GNAI2: variants seen among roughly 807,000 people sequenced by gnomAD.
The protein encoded by GNAI2 is guanine nucleotide-binding protein G(i) subunit alpha-2.
A neutral mutation model predicts 36.8 loss-of-function variants in GNAI2; 4 were observed. The observed-to-expected ratio is 0.11, with a 90% CI of 0.05 to 0.25. The LOEUF is 0.25. GNAI2 is among the 10% of genes least tolerant of loss of function. The pLI is 1.00. For synonymous variants in GNAI2, 194 were observed against 194.1 expected (o/e 1.00, Z 0.01); for missense variants, 230 against 481.3 (o/e 0.48, Z 4.89).
rs1359696278 is a variant in GNAI2, at chr3:50,242,161, A to G, written c.118+5708A>G. 1.3e-5 allele frequency among the ~76,000 whole-genome samples: 2 copies of G among 152,150 alleles called. No homozygotes were observed. Among genetic ancestry groups the G allele is most frequent in the Middle Eastern group, 3.4e-3 (1 of 294 alleles). ...GAACAGGATGGAGGAAGCTTTGTCC[A>G]CCCAAGCTCTTAGCCACTGAGGAAC... is the stretch of plus-strand genomic sequence containing the variant. On this transcript the variant is annotated intron_variant, in intron 1 of 8. Coordinates refer to ENST00000313601, the MANE Select transcript of GNAI2 (RefSeq NM_002070.4). The surrounding 1 kb of genome is among the most constrained non-coding windows in gnomAD (Gnocchi z 4.8).
chr3:50,252,789 G>A lies in GNAI2; in HGVS notation c.304-235G>A, dbSNP rs587634731. ...TGAAGCAGGAGAATTGCTTGAACCC[G>A]GGAGGCAGAGGATGCAGTGAGCCAA... On this transcript the variant is annotated intron_variant, in intron 3 of 8. Coordinates refer to ENST00000313601, the MANE Select transcript of GNAI2 (RefSeq NM_002070.4). The surrounding 1 kb of genome is among the most constrained non-coding windows in gnomAD (Gnocchi z 4.1). 2.0e-5 allele frequency among the ~76,000 whole-genome samples: 3 copies of A among 152,250 alleles called. No individual in the cohort carries two copies. Among genetic ancestry groups the A allele is most frequent in the South Asian group, 4.1e-4 (2 of 4,824 alleles).
chr3:50,233,292 C>T (rs2109174332), upstream of GNAI2, among the ~76,000 whole-genome samples: 1 of 152,284 alleles, frequency 6.6e-6, no homozygotes, highest in Non-Finnish European at 1.5e-5. Context: ...CCAGTAGCCC[C>T]ATCTTGCCCT....
intron 1 of GNAI2, among the ~76,000 whole-genome samples, chr3:50,231,177 T>C (rs1269760954): frequency 6.6e-6 from 1 of 152,216 alleles, no homozygotes; most frequent in African/African-American, 2.4e-5. Flanking sequence ...CTTCCTGACC[T>C]TCCCAGGCAC....
chr3:50,244,862 AT>A (rs1487713857), intron 1 of GNAI2, among the ~76,000 whole-genome samples: 1 of 152,218 alleles, frequency 6.6e-6, no homozygotes, highest in Non-Finnish European at 1.5e-5. Context: ...CCATGAAGCC[AT>A]GCACAGAGCA....
intron 1 of GNAI2, among the ~76,000 whole-genome samples, chr3:50,250,567 G>C (rs893846668): frequency 1.3e-5 from 2 of 152,202 alleles, no homozygotes; most frequent in Admixed American, 1.3e-4. Flanking sequence ...TGGAGCAGGA[G>C]CACAGGGTCT....
rs1553702670 is a variant in GNAI2 at position 50,252,579 on chromosome 3, G to T, written c.303+41G>T. On this transcript the variant is annotated intron_variant, in intron 3 of 8. Coordinates refer to ENST00000313601, the MANE Select transcript of GNAI2 (RefSeq NM_002070.4). This position sits in a 1 kb window ranked among gnomAD's most constrained non-coding sequence, Gnocchi z 4.1. The stretch of plus-strand genomic sequence containing the variant: ...CCCACCCTCTCCCACCTCCCAAAAG[G>T]TTTCGGGGTGGCTGGTTGTGGTGGC... The T allele has an allele frequency of 1.9e-6, 3 of 1,559,542 alleles. No individual in the cohort carries two copies. In the Admixed American group the frequency reaches 5.2e-5, roughly 27 times the overall value.
In GNAI2 at chr3:50,236,758, G is replaced by C. The variant is rs782455741; in HGVS notation, c.118+305G>C. 5.3e-5 allele frequency among the ~76,000 whole-genome samples: 8 copies of C among 151,504 alleles called. No individual in the cohort carries two copies. Among genetic ancestry groups the C allele is most frequent in the Non-Finnish European group, 1.0e-4 (7 of 67,966 alleles). On this transcript the variant is annotated intron_variant, in intron 1 of 8. Transcript: ENST00000313601. This position sits in a 1 kb window ranked among gnomAD's most constrained non-coding sequence, Gnocchi z 4.0. ...TGCTAACTAGCTTCACAGAACTTCA[G>C]AGCCCCGCCATCCTTCCCTACACTT...
At chr3:50,234,172 T>C (rs782483479), upstream of GNAI2, among the ~76,000 whole-genome samples, 112 of 149,910 alleles carry the variant, frequency 7.5e-4, no homozygotes, top group Non-Finnish European at 1.4e-3. Flanking sequence ...GTTCACACCA[T>C]TCTCCTGCCT....
At chr3:50,234,679 G>A (rs1700129285), upstream of GNAI2, among the ~76,000 whole-genome samples, 1 of 152,142 alleles carries the variant, frequency 6.6e-6, no homozygotes, top group East Asian at 1.9e-4. Flanking sequence ...TTCTAAGGAA[G>A]GGGTTTATGC....
upstream of GNAI2, chr3:50,229,114 C>T (rs962205109): frequency 6.6e-6 from 1 of 152,158 alleles, no homozygotes; most frequent in African/African-American, 2.4e-5. Flanking sequence ...TAACGAGTCA[C>T]GGGAGAGGCT....
At chr3:50,250,940 G>A (rs139873575) in intron 1 of GNAI2, among the ~76,000 whole-genome samples, 1 of 151,916 alleles carries the variant, frequency 6.6e-6, no homozygotes, top group East Asian at 1.9e-4. Flanking sequence ...CTCCCGAGCC[G>A]CTGGGATTAC....
upstream of GNAI2, chr3:50,227,539 C>T (rs951055637): frequency 5.3e-6 from 1 of 188,650 alleles, no homozygotes; most frequent in African/African-American, 2.3e-5. This position sits in a 1 kb window ranked among gnomAD's most constrained non-coding sequence, Gnocchi z 5.9. Flanking sequence ...CCGGCCTCTC[C>T]CGGCCACCGA....
intron 1 of GNAI2, chr3:50,247,134 A>G (rs1553701861): frequency 4.3e-6 from 3 of 703,498 alleles, no homozygotes; most frequent in Non-Finnish European, 7.8e-6. Flanking sequence ...TTTTACCTGA[A>G]TGCTCACATG....
chr3:50,244,702 G>A (rs1356496607), intron 1 of GNAI2, among the ~76,000 whole-genome samples: 2 of 152,204 alleles, frequency 1.3e-5, no homozygotes, highest in Non-Finnish European at 2.9e-5. Context: ...CTTGGCCTCC[G>A]AATCTCAGTG....
At chr3:50,248,580 TC>T (rs1553702020) in intron 1 of GNAI2, among the ~76,000 whole-genome samples, 1 of 151,880 alleles carries the variant, frequency 6.6e-6, no homozygotes, top group Non-Finnish European at 1.5e-5. Context: ...GTCCCGTTGT[TC>T]CCCCTGCTTC....
intron 1 of GNAI2, among the ~76,000 whole-genome samples, chr3:50,248,482 C>T (rs587613077): frequency 1.3e-5 from 2 of 152,278 alleles, no homozygotes; most frequent in East Asian, 3.9e-4. Context: ...CCACCCATTC[C>T]ACCCAGATGC....
At position 50,241,407 on chromosome 3, in the gene GNAI2, A is replaced by T. The variant is rs1553701118; in HGVS notation, c.118+4954A>T. Among the ~76,000 whole-genome samples the T allele has an allele frequency of 1.3e-5, 2 of 152,188 alleles. No individual in the cohort carries two copies. The highest frequency in any genetic ancestry group is 2.4e-5 in the African/African-American group (1 of 41,434). ...CACACTAAGGAGTGAACAGGGGTCC[A>T]AGCTATAGCTGACCCCCTCTGCCTG... On this transcript the variant is annotated intron_variant, in intron 1 of 8. Transcript: ENST00000313601. The surrounding 1 kb of genome is among the most constrained non-coding windows in gnomAD (Gnocchi z 5.0).
rs782766884 is a variant in GNAI2 at position 50,236,500 on chromosome 3, C to T, written c.118+47C>T. 2 of 1,554,212 alleles carry T rather than the reference C, an allele frequency of 1.3e-6. No homozygotes were observed. Among genetic ancestry groups the T allele is most frequent in the Non-Finnish European group, 1.7e-6 (2 of 1,155,622 alleles). ...GGATCCTTGATTCCCAGCTCGAATC[C>T]CCAGACAAGGACTTTGACCTCCCAG... On this transcript the variant is annotated intron_variant, in intron 1 of 8. Transcript: ENST00000313601. This position sits in a 1 kb window ranked among gnomAD's most constrained non-coding sequence, Gnocchi z 4.0.
Position 50,236,468 on chromosome 3 carries a change from C to G in GNAI2, c.118+15C>G, listed in dbSNP as rs373887459. The G allele has an allele frequency of 8.3e-6, 13 of 1,571,620 alleles. No individual in the cohort carries two copies. The highest frequency in any genetic ancestry group is 1.0e-5 in the Non-Finnish European group (12 of 1,163,144). On this transcript the variant is annotated intron_variant, in intron 1 of 8. Transcript: ENST00000313601. The surrounding 1 kb of genome is among the most constrained non-coding windows in gnomAD (Gnocchi z 4.0). The stretch of plus-strand genomic sequence containing the variant: ...GCTGCTGTTGGGTGAGGCCGCGTCC[C>G]GCACTGGGATCCTTGATTCCCAGCT...
Sources: gnomAD v4.1 joint callset for allele counts (sites outside exome capture counted in the v4.1 genomes callset) on GRCh38, gnomAD v4.1.1 for gene constraint, Gnocchi (gnomAD v3.1) non-coding constraint, MANE v1.5 for transcripts, NCBI Gene and HGNC (gene_info 2026-07-23, HGNC 2026-07-21) for gene names.